FBXO16: variants seen among roughly 807,000 people sequenced by gnomAD.
FBXO16 encodes the protein F-box only protein 16.
A neutral mutation model predicts 41.0 loss-of-function variants in FBXO16; 31 were observed. That is an observed-to-expected ratio of 0.76 (90% CI 0.57 to 1.02). The LOEUF is 1.02. Among genes scored for constraint, FBXO16 ranks in the 50% least tolerant of loss-of-function variants. FBXO16 has a pLI of 0.00. For synonymous variants in FBXO16, 133 were observed against 117.8 expected (o/e 1.13, Z -0.84); for missense variants, 361 against 346.2 (o/e 1.04, Z -0.34).
intron 7 of FBXO16, among the ~76,000 whole-genome samples, chr8:28,431,551 G>C (rs192173914): frequency 1.3e-5 from 2 of 152,106 alleles, no homozygotes; most frequent in Non-Finnish European, 2.9e-5. Flanking sequence ...CTTTCCTACT[G>C]ATCTTTTCCC....
intron 3 of FBXO16, 74 bp from the exon 4 acceptor site, chr8:28,463,892 C>T (rs1803189035): frequency 1.5e-6 from 2 of 1,354,936 alleles, no homozygotes; most frequent in Admixed American, 1.9e-5. Context: ...ACGAGTAAGA[C>T]ATGACAATGG....
At chr8:28,433,300 T>C in intron 7 of FBXO16, among the ~76,000 whole-genome samples, 1 of 152,254 alleles carries the variant, frequency 6.6e-6, no homozygotes, top group Non-Finnish European at 1.5e-5. Flanking sequence ...TGCCATGCGT[T>C]TGACATTGGA....
At chr8:28,441,947 T>TGTGTGTG (rs1491261277) in intron 7 of FBXO16, among the ~76,000 whole-genome samples, 1 of 85,030 alleles carries the variant, frequency 1.2e-5, no homozygotes, top group African/African-American at 4.1e-5. Flanking sequence ...TGTGTGTGTA[T>TGTGTGTG]TTTTTTTTTT....
chr8:28,459,493 C>T (rs1295426447), intron 4 of FBXO16, among the ~76,000 whole-genome samples: 1 of 151,686 alleles, frequency 6.6e-6, no homozygotes, highest in Non-Finnish European at 1.5e-5. Context: ...TGACATGCGC[C>T]TGTAATCCCA....
rs184680111 is a variant in FBXO16, at chr8:28,484,684, C to T, written c.-16-1222G>A. Among the ~76,000 whole-genome samples the T allele has an allele frequency of 1.3e-3, 197 of 152,290 alleles. 1 individual carries two copies. Among genetic ancestry groups the T allele is most frequent in the African/African-American group, 4.5e-3 (188 of 41,566 alleles). ...TCGGCTCACTGCAAGCTCCGCCTTC[C>T]GGGTTCACACCATTCTCCTGCCTCA... On this transcript the variant is annotated intron_variant, in intron 1 of 8. Transcript: ENST00000380254.
chr8:28,481,217 A>C (rs779264102), intron 2 of FBXO16, among the ~76,000 whole-genome samples: 2 of 152,228 alleles, frequency 1.3e-5, no homozygotes, highest in Non-Finnish European at 2.9e-5. Flanking sequence ...ACATAATAGA[A>C]TCGGAATCTT....
chr8:28,474,355 A>AGG (rs1803389012), intron 2 of FBXO16, among the ~76,000 whole-genome samples: 4 of 126,886 alleles, frequency 3.2e-5, no homozygotes, highest in Non-Finnish European at 3.4e-5. Context: ...AAAAAAAAAG[A>AGG]GAGAGAAAGA....
chr8:28,464,664 T>A (rs1436244819), intron 3 of FBXO16, among the ~76,000 whole-genome samples: 1 of 152,244 alleles, frequency 6.6e-6, no homozygotes, highest in Non-Finnish European at 1.5e-5. Flanking sequence ...AACAGAATTT[T>A]TTTTTTTGAG....
At chr8:28,475,555 A>G (rs926345751) in intron 2 of FBXO16, among the ~76,000 whole-genome samples, 19 of 152,228 alleles carry the variant, frequency 1.2e-4, no homozygotes, top group African/African-American at 4.6e-4. Context: ...TTCTCTATCA[A>G]TCATGCATCG....
At chr8:28,458,354 G>C (rs17059122) in intron 4 of FBXO16, among the ~76,000 whole-genome samples, 2,483 of 152,198 alleles carry the variant, frequency 0.016, 65 homozygotes, top group African/African-American at 0.056. Context: ...AAGTTTAGAG[G>C]ATTTGATACA....
At chr8:28,437,934 A>G (rs1327452318) in intron 7 of FBXO16, among the ~76,000 whole-genome samples, 1 of 152,192 alleles carries the variant, frequency 6.6e-6, no homozygotes, top group Non-Finnish European at 1.5e-5. Context: ...ACGTAGGCAC[A>G]AGACTATACG....
intron 4 of FBXO16, among the ~76,000 whole-genome samples, chr8:28,461,506 G>A (rs571549564): frequency 6.6e-6 from 1 of 151,540 alleles, no homozygotes; most frequent in Non-Finnish European, 1.5e-5. Flanking sequence ...TTCTTTTTCT[G>A]CAGATTACTT....
At chr8:28,433,054 T>A (rs185504163) in intron 7 of FBXO16, among the ~76,000 whole-genome samples, 1,438 of 139,616 alleles carry the variant, frequency 0.01, 7 homozygotes, top group Non-Finnish European at 0.013. Context: ...GAGTGAGACT[T>A]CGTCCAAAAA....
At chr8:28,469,902 AAAT>A (rs1341561506) in intron 3 of FBXO16, among the ~76,000 whole-genome samples, 4 of 147,818 alleles carry the variant, frequency 2.7e-5, no homozygotes, top group Admixed American at 1.4e-4. Context: ...CTCCGTCTCA[AAAT>A]AATAATAATA....
At chr8:28,457,812 T>G (rs1333798649) in intron 4 of FBXO16, among the ~76,000 whole-genome samples, 1 of 152,226 alleles carries the variant, frequency 6.6e-6, no homozygotes, top group Non-Finnish European at 1.5e-5. Context: ...CTATGTGATG[T>G]ATAGAGCCTT....
At chr8:28,481,346 T>C (rs1368728043) in intron 2 of FBXO16, among the ~76,000 whole-genome samples, 1 of 151,914 alleles carries the variant, frequency 6.6e-6, no homozygotes, top group Admixed American at 6.6e-5. Flanking sequence ...CAGCTGAGAA[T>C]GGAGCTGGAA....
intron 4 of FBXO16, among the ~76,000 whole-genome samples, chr8:28,462,250 TC>T (rs1803146332): frequency 6.7e-6 from 1 of 149,846 alleles, no homozygotes; most frequent in South Asian, 2.1e-4. Context: ...CCATCTTTTC[TC>T]CTGCATTCAT....
chr8:28,473,754 G>T lies in FBXO16; in HGVS notation c.135+18C>A. 6.3e-7 allele frequency: 1 copy of T among 1,587,540 alleles called. No homozygotes were observed. Among genetic ancestry groups the T allele is most frequent in the Non-Finnish European group, 8.6e-7 (1 of 1,160,500 alleles). On this transcript the variant is annotated intron_variant, in intron 3 of 8. Transcript: ENST00000380254. ...GATAACATAACATAATGCAAAAATA[G>T]TATTTTTAAATGTTTACCCATTTGC...
chr8:28,435,093 A>G (rs1802667812), intron 7 of FBXO16, among the ~76,000 whole-genome samples: 1 of 151,946 alleles, frequency 6.6e-6, no homozygotes, highest in African/African-American at 2.4e-5. Context: ...TGGTACCCAC[A>G]CTTGGTGGGT....
Sources: gnomAD v4.1 joint callset for allele counts (sites outside exome capture counted in the v4.1 genomes callset) on GRCh38, gnomAD v4.1.1 for gene constraint, MANE v1.5 for transcripts, NCBI Gene and HGNC (gene_info 2026-07-23, HGNC 2026-07-21) for gene names.